The following C1QTNF6 variants were observed in gnomAD, a reference collection of about 807,000 sequenced individuals.
C1QTNF6 encodes the protein complement C1q tumor necrosis factor-related protein 6.
A neutral mutation model predicts 20.7 loss-of-function variants in C1QTNF6; 17 were observed. That is an observed-to-expected ratio of 0.82 (90% CI 0.56 to 1.23). The LOEUF (loss-of-function observed/expected upper bound fraction) is 1.23, where lower values mean the gene tolerates loss of function less well. Among genes scored for constraint, C1QTNF6 ranks in the 50% most tolerant of loss-of-function variants. C1QTNF6 has a pLI of 0.00. For missense variants in C1QTNF6, 329 were observed against 389.7 expected, an observed-to-expected ratio of 0.84 and a Z score of 1.31; for synonymous variants, 130 against 156.3, an observed-to-expected ratio of 0.83 and a Z score of 1.25.
At position 37,180,624 on chromosome 22, in the gene C1QTNF6, C is replaced by G. The variant is rs1034584354; in HGVS notation, c.*1564G>C. 1 of 152,564 alleles carries G rather than the reference C, an allele frequency of 6.6e-6. No individual in the cohort carries two copies. The highest frequency in any genetic ancestry group is 1.5e-5 in the Non-Finnish European group (1 of 68,300). 9.5% of individuals were successfully genotyped at this position (152,564 alleles called of 1,614,324 possible). A position where few individuals can be genotyped will look rare whatever the true frequency, so the allele number is the denominator to read the frequency against. On this transcript the variant is annotated 3_prime_UTR_variant, in exon 3 of 3. Transcript: ENST00000337843. Reference sequence around the variant, plus strand: ...GGCTCTGAGACGAGGAGCTGCCCACCCGGGCCTTAGCACCTTGATAAAGCC... The same window carrying G: ...GGCTCTGAGACGAGGAGCTGCCCACGCGGGCCTTAGCACCTTGATAAAGCC...
Position 37,181,980 on chromosome 22 carries a change from G to T in C1QTNF6, c.*208C>A, listed in dbSNP as rs181086381. The T allele has an allele frequency of 1.4e-4, 82 of 597,330 alleles. No individual in the cohort carries two copies. In the African/African-American group the frequency reaches 1.5e-3, roughly 11 times the overall value. The allele number at this position is 597,330 out of a possible 1,614,324, so 37.0% of individuals were successfully genotyped here. ...AGTTCTAGAATATTTAGGTTAGCAA[G>T]CTTCTTAAAATAGGTCCAAGAGAGA... On this transcript the variant is annotated 3_prime_UTR_variant, in exon 3 of 3. Transcript: ENST00000337843.
chr22:37,182,725 CCCTTTGTCA>C lies in C1QTNF6; in HGVS notation c.291_299del (p.Lys99_Asp101del). On this transcript the variant is annotated inframe_deletion and splice_region_variant, in exon 3 of 3. Coordinates refer to ENST00000337843, the MANE Select transcript of C1QTNF6 (RefSeq NM_031910.4). The stretch of plus-strand genomic sequence containing the variant: ...CTGGCAGGCCCATTGGGCCTGGGTC[CCCTTTGTCA>C]CCTGTGGGGATAAAAAGGGGACAAG... 2 of 1,603,848 alleles carry C rather than the reference CCCTTTGTCA, an allele frequency of 1.2e-6. No homozygotes were observed. Among genetic ancestry groups the C allele is most frequent in the South Asian group, 2.2e-5 (2 of 89,960 alleles).
chr22:37,186,376 T>C (rs1924340576), intron 1 of C1QTNF6, among the ~76,000 whole-genome samples: 1 of 152,160 alleles, frequency 6.6e-6, no homozygotes, highest in Admixed American at 6.5e-5. Context: ...AACCCAACCT[T>C]ATCCAGAAGC....
At chr22:37,186,047 CT>C in intron 1 of C1QTNF6, 1 of 985,158 alleles carries the variant, frequency 1.0e-6, no homozygotes, top group Non-Finnish European at 1.2e-6. Flanking sequence ...CACCATAGTT[CT>C]GAAAAAAAAG....
At chr22:37,185,968 G>C in intron 1 of C1QTNF6, 1 of 985,884 alleles carries the variant, frequency 1.0e-6, no homozygotes, top group Non-Finnish European at 1.2e-6. Flanking sequence ...GGGGACAAAC[G>C]TGGAGGGTTC....
At chr22:37,186,014 G>A (rs946022185) in intron 1 of C1QTNF6, 11 of 985,432 alleles carry the variant, frequency 1.1e-5, no homozygotes, top group African/African-American at 5.2e-5. Flanking sequence ...ATGGGTGGCC[G>A]AGCCCATGCT....
At position 37,182,217 on chromosome 22, in the gene C1QTNF6, C is replaced by T. The variant is rs765588555; in HGVS notation, c.808G>A (p.Gly270Ser). The change falls in exon 3 of 3, where the codon GGC becomes AGC. Residue 270 changes from glycine (G) to serine (S), a missense_variant. By Grantham distance (56) the Gly-to-Ser change is moderately conservative. Transcript: ENST00000337843. ...TCGTCCTCGGCCTTGATGAGGTGGC[C>T]GCTGAAGGTGATGTAGGTGTCGAAG... ...NDFDTYITFS[G>S]HLIKAEDD is the part of the protein sequence containing the mutation. 5.6e-6 allele frequency: 9 copies of T among 1,613,176 alleles called. No homozygotes were observed. Among genetic ancestry groups the T allele is most frequent in the South Asian group, 4.4e-5 (4 of 90,986 alleles).
chr22:37,192,884 G>T (rs1237846147), upstream of C1QTNF6, among the ~76,000 whole-genome samples: 1 of 152,206 alleles, frequency 6.6e-6, no homozygotes, highest in Non-Finnish European at 1.5e-5. Flanking sequence ...AGCCCTTCAA[G>T]AAACAGGGCC....
intron 2 of C1QTNF6, among the ~76,000 whole-genome samples, chr22:37,194,502 T>C (rs1925022084): frequency 6.6e-6 from 1 of 152,244 alleles, no homozygotes; most frequent in Admixed American, 6.5e-5. Flanking sequence ...GCCAGGTTTC[T>C]GGGTTCCCTT....
At chr22:37,188,283 A>AGGTGGGAGAGAGGAGGGGAT, upstream of C1QTNF6, 3 of 1,153,056 alleles carry the variant, frequency 2.6e-6, no homozygotes, top group Non-Finnish European at 3.5e-6. Flanking sequence ...GGCCCAGCAG[A>AGGTGGGAGAGAGGAGGGGAT]GGAGGGAGAG....
rs943662447 is a variant in C1QTNF6 at position 37,181,926 on chromosome 22, T to C, written c.*262A>G. 2.0e-6 allele frequency: 1 copy of C among 489,908 alleles called. No individual in the cohort carries two copies. Among genetic ancestry groups the C allele is most frequent in the African/African-American group, 1.9e-5 (1 of 51,808 alleles). The allele number at this position is 489,908 out of a possible 1,614,324, so 30.3% of individuals were successfully genotyped here. A position where few individuals can be genotyped will look rare whatever the true frequency, so the allele number is the denominator to read the frequency against. On this transcript the variant is annotated 3_prime_UTR_variant, in exon 3 of 3. Transcript: ENST00000337843. Reference sequence around the variant, plus strand: ...GGTGATTCGCATGCATTTCCAAGTTTGAGAAGTGCTGGGCTACGAGGCTGG... The same window carrying C: ...GGTGATTCGCATGCATTTCCAAGTTCGAGAAGTGCTGGGCTACGAGGCTGG...
Position 37,182,181 on chromosome 22 carries a change from G to A in C1QTNF6, c.*7C>T. 1 of 1,603,086 alleles carries A rather than the reference G, an allele frequency of 6.2e-7. No individual in the cohort carries two copies. Among genetic ancestry groups the A allele is most frequent in the Non-Finnish European group, 8.5e-7 (1 of 1,173,350 alleles). ...GCTCTCCAGCCGGGAGGGTGGCCCA[G>A]AGGCCCTCAGTCGTCCTCGGCCTTG... is the stretch of plus-strand genomic sequence containing the variant. On this transcript the variant is annotated 3_prime_UTR_variant, in exon 3 of 3. Transcript: ENST00000337843.
At chr22:37,182,892 A>G (rs1386431758) in intron 2 of C1QTNF6, 157 bp from the exon 3 acceptor site, 1 of 1,435,690 alleles carries the variant, frequency 7.0e-7, no homozygotes, top group South Asian at 1.5e-5. Context: ...GCCTCCCCAC[A>G]TGCCTGCCTA....
chr22:37,188,309 G>GAGAGAGGAGGGGATGGAGGA, upstream of C1QTNF6: 1 of 1,137,470 alleles, frequency 8.8e-7, no homozygotes, highest in Non-Finnish European at 1.2e-6. Flanking sequence ...GGGATGGAGG[G>GAGAGAGGAGGGGATGGAGGA]AGAGAGGGCG....
chr22:37,186,008 G>A, intron 1 of C1QTNF6: 1 of 985,614 alleles, frequency 1.0e-6, no homozygotes, highest in Non-Finnish European at 1.2e-6. Context: ...GAGGGGATGG[G>A]TGGCCGAGCC....
Position 37,182,326 on chromosome 22 carries a change from ACT to A in C1QTNF6, c.697_698del (p.Ser233CysfsTer73), listed in dbSNP as rs767684231. 3.7e-6 allele frequency: 6 copies of A among 1,614,070 alleles called. No individual in the cohort carries two copies. Among genetic ancestry groups the A allele is most frequent in the Admixed American group, 3.3e-5 (2 of 60,010 alleles). On this transcript the variant is annotated frameshift_variant, in exon 3 of 3. Transcript: ENST00000337843. LOFTEE classifies it high-confidence loss of function. ...PSERSIMQSQ[S>X]VMLDLAYGDR... ...CCCCGTAGGCCAGGTCCAGCATCAC[ACT>A]CTGGCTCTGCATGATGCTGCGCTCG...
At chr22:37,183,581 T>A (rs1282072178) in intron 2 of C1QTNF6, among the ~76,000 whole-genome samples, 6 of 152,196 alleles carry the variant, frequency 3.9e-5, no homozygotes, top group Non-Finnish European at 7.3e-5. Flanking sequence ...CCTGTCACAG[T>A]GCCTGGAGTC....
intron 1 of C1QTNF6, among the ~76,000 whole-genome samples, chr22:37,187,421 A>G (rs1247553024): frequency 6.6e-6 from 1 of 152,190 alleles, no homozygotes; most frequent in Non-Finnish European, 1.5e-5. Context: ...GAGACCCAGA[A>G]TAGTTTGCAA....
chr22:37,198,585 C>G (rs1925290305), upstream of C1QTNF6, among the ~76,000 whole-genome samples: 1 of 152,248 alleles, frequency 6.6e-6, no homozygotes. Context: ...AGTCACAGAT[C>G]TAACTGTTCA....
Sources: gnomAD v4.1 joint callset for allele counts (sites outside exome capture counted in the v4.1 genomes callset) on GRCh38, gnomAD v4.1.1 for gene constraint, MANE v1.5 for transcripts, NCBI Gene and HGNC (gene_info 2026-07-23, HGNC 2026-07-21) for gene names.